BEGAIN: variants seen among roughly 807,000 people sequenced by gnomAD.
The protein encoded by BEGAIN is brain enriched guanylate kinase associated.
Under a neutral mutation model 35.8 loss-of-function variants are expected in BEGAIN, and 19 were observed. The observed-to-expected ratio is 0.53, with a 90% CI of 0.37 to 0.78. The LOEUF (loss-of-function observed/expected upper bound fraction) is 0.78. BEGAIN is among the 30% of genes least tolerant of loss of function. BEGAIN has a pLI of 0.00. For synonymous variants in BEGAIN, 462 were observed against 388.6 expected, an observed-to-expected ratio of 1.19 and a Z score of -2.22; for missense variants, 795 against 853.6, an observed-to-expected ratio of 0.93 and a Z score of 0.85.
chr14:100,548,809 A>G (rs897177416), intron 2 of BEGAIN: 1 of 152,132 alleles, frequency 6.6e-6, no homozygotes, highest in East Asian at 1.9e-4. Flanking sequence ...GGCTCGGGGC[A>G]GACATCTCAC....
chr14:100,570,107 C>T (rs527722368), intron 1 of BEGAIN, among the ~76,000 whole-genome samples: 130 of 152,332 alleles, frequency 8.5e-4, no homozygotes, highest in African/African-American at 3.1e-3. Context: ...CAAAGGCTGT[C>T]TCTGGTTGCC....
intron 5 of BEGAIN, among the ~76,000 whole-genome samples, chr14:100,542,231 G>A (rs1254613114): frequency 6.6e-6 from 1 of 152,190 alleles, no homozygotes; most frequent in Non-Finnish European, 1.5e-5. Context: ...AAATCCCAAT[G>A]CCTCTCCTTG....
chr14:100,546,808 ACACACT>A lies in BEGAIN; in HGVS notation c.72-152_72-147del, dbSNP rs1222996316. ...CACACACACACACACACACACACAC[ACACACT>A]CACACACACCCAGCCTCCCGGGCGT... On this transcript the variant is annotated intron_variant, in intron 2 of 6. Coordinates refer to ENST00000554140, the MANE Select transcript of BEGAIN (RefSeq NM_001385089.1). The A allele has an allele frequency of 7.1e-3, 4,132 of 581,782 alleles. 149 individuals carry two copies. The African/African-American group carries it at 0.079, about 11-fold the overall frequency. 36.0% of individuals were successfully genotyped at this position (581,782 alleles called of 1,614,324 possible).
At chr14:100,572,570 G>A (rs928057818) in intron 1 of BEGAIN, among the ~76,000 whole-genome samples, 14 of 152,140 alleles carry the variant, frequency 9.2e-5, no homozygotes, top group African/African-American at 3.1e-4. Flanking sequence ...GAATCTTGTT[G>A]CCCTTACCCC....
chr14:100,552,368 G>A (rs2033290878), intron 2 of BEGAIN, among the ~76,000 whole-genome samples: 1 of 152,170 alleles, frequency 6.6e-6, no homozygotes, highest in South Asian at 2.1e-4. Context: ...CACTTGGATG[G>A]AAATTCTCAT....
chr14:100,576,450 C>T (rs754633957), intron 1 of BEGAIN, among the ~76,000 whole-genome samples: 2 of 152,168 alleles, frequency 1.3e-5, no homozygotes, highest in Non-Finnish European at 2.9e-5. Context: ...CAATGCTCGG[C>T]GAGTATCACT....
intron 5 of BEGAIN, among the ~76,000 whole-genome samples, chr14:100,541,098 C>T (rs2031539447): frequency 1.3e-5 from 2 of 152,256 alleles, no homozygotes; most frequent in Non-Finnish European, 2.9e-5. Context: ...AGTGTGGCTG[C>T]AGGGCTGGGC....
At position 100,586,132 on chromosome 14, in the gene BEGAIN, T is replaced by C. The variant is rs529819058; in HGVS notation, c.42+1117A>G. Among the ~76,000 whole-genome samples the C allele has an allele frequency of 7.9e-5, 12 of 152,344 alleles. No homozygotes were observed. The highest frequency in any genetic ancestry group is 2.4e-4 in the African/African-American group (10 of 41,588). On this transcript the variant is annotated intron_variant, in intron 1 of 6. Transcript: ENST00000554140. The surrounding 1 kb of genome is among the most constrained non-coding windows in gnomAD (Gnocchi z 4.9). The stretch of plus-strand genomic sequence containing the variant: ...CCTGGCAGGGCTGCACACCGCAGTT[T>C]GTTAGGGGCTTCTGCCCACAGTCCT...
chr14:100,550,800 G>C (rs1028050975), intron 2 of BEGAIN, among the ~76,000 whole-genome samples: 2 of 152,214 alleles, frequency 1.3e-5, no homozygotes. Flanking sequence ...CAGGGTCACT[G>C]GTCACTCGCT....
intron 2 of BEGAIN, among the ~76,000 whole-genome samples, chr14:100,552,473 C>T (rs1175270871): frequency 2.0e-5 from 3 of 152,244 alleles, no homozygotes; most frequent in African/African-American, 7.2e-5. Context: ...CAAAGCAAGC[C>T]TCGGTGAGGA....
At chr14:100,584,517 G>A (rs1289913495) in intron 1 of BEGAIN, among the ~76,000 whole-genome samples, 1 of 152,240 alleles carries the variant, frequency 6.6e-6, no homozygotes, top group South Asian at 2.1e-4. Flanking sequence ...AATGAGCAGT[G>A]CAGAGTGGGT....
intron 1 of BEGAIN, among the ~76,000 whole-genome samples, chr14:100,572,894 G>A (rs2035115260): frequency 2.0e-5 from 3 of 152,098 alleles, no homozygotes; most frequent in Non-Finnish European, 4.4e-5. Context: ...AACACTGACT[G>A]TGTGCAGAGC....
intron 4 of BEGAIN, among the ~76,000 whole-genome samples, 160 bp downstream of exon 4, chr14:100,544,840 C>T (rs2032155373): frequency 6.6e-6 from 1 of 152,172 alleles, no homozygotes; most frequent in African/African-American, 2.4e-5. Flanking sequence ...ACTTCCTTAG[C>T]CTGAGAGCAC....
intron 1 of BEGAIN, among the ~76,000 whole-genome samples, chr14:100,574,303 G>A (rs1248715737): frequency 1.3e-5 from 2 of 152,224 alleles, no homozygotes; most frequent in Non-Finnish European, 2.9e-5. Flanking sequence ...TCCTTCCCCT[G>A]GGGAATTTGG....
At chr14:100,557,554 A>G (rs1378353280) in intron 2 of BEGAIN, among the ~76,000 whole-genome samples, 1 of 152,090 alleles carries the variant, frequency 6.6e-6, no homozygotes, top group Admixed American at 6.5e-5. Flanking sequence ...ACAGCCCCTC[A>G]CTGGCCTTGC....
In BEGAIN at chr14:100,537,731, C is replaced by A; in HGVS notation, c.*238G>T. ...ATGCTCCTCTCACATGGGGGAAGGA[C>A]GCGTGAAAAACGCTCTAAGTGGAGT... On this transcript the variant is annotated 3_prime_UTR_variant, in exon 7 of 7. Transcript: ENST00000554140. The A allele has an allele frequency of 4.0e-6, 2 of 496,006 alleles. No individual in the cohort carries two copies. The highest frequency in any genetic ancestry group is 6.9e-6 in the Non-Finnish European group (2 of 289,148). The allele number at this position is 496,006 out of a possible 1,614,324, so 30.7% of individuals were successfully genotyped here.
chr14:100,554,230 T>C (rs1033096150), intron 2 of BEGAIN, among the ~76,000 whole-genome samples: 26 of 152,162 alleles, frequency 1.7e-4, no homozygotes, highest in African/African-American at 6.0e-4. Context: ...GGGGGAGGCC[T>C]GGCTCCCATC....
intron 1 of BEGAIN, among the ~76,000 whole-genome samples, chr14:100,574,150 T>C (rs2035151775): frequency 6.6e-6 from 1 of 152,208 alleles, no homozygotes; most frequent in African/African-American, 2.4e-5. Context: ...GAGCCTCCGC[T>C]GCAGTCCCAA....
Position 100,567,868 on chromosome 14 carries a change from A to C in BEGAIN, c.71+43T>G, listed in dbSNP as rs2139715237. On this transcript the variant is annotated intron_variant, in intron 2 of 6. Coordinates refer to ENST00000554140, the MANE Select transcript of BEGAIN (RefSeq NM_001385089.1). This position sits in a 1 kb window ranked among gnomAD's most constrained non-coding sequence, Gnocchi z 5.1. ...GCCTTCCCCAGCGCCCTCACCCCCGACCCGGCCCCCGCGAGCCGCGGCACG... is the reference window on the plus strand; with the variant it reads ...GCCTTCCCCAGCGCCCTCACCCCCGCCCCGGCCCCCGCGAGCCGCGGCACG... The C allele has an allele frequency of 1.4e-6, 2 of 1,444,288 alleles. No individual in the cohort carries two copies. The allele number at this position is 1,444,288 out of a possible 1,614,324, so 89.5% of individuals were successfully genotyped here.
Sources: allele counts gnomAD v4.1 joint callset (sites outside exome capture counted in the v4.1 genomes callset), GRCh38; gene constraint gnomAD v4.1.1; non-coding constraint Gnocchi (gnomAD v3.1); transcripts MANE v1.5; gene names NCBI Gene and HGNC (gene_info 2026-07-23, HGNC 2026-07-21).